The following ADORA2B variants were observed in gnomAD, a reference collection of about 807,000 sequenced individuals.
The protein encoded by ADORA2B is adenosine A2b receptor.
ADORA2B carries 18 observed loss-of-function variants against 20.8 expected under a neutral mutation model. The ratio of observed to expected loss-of-function variants is 0.87; its 90% CI spans 0.60 to 1.29. The LOEUF (loss-of-function observed/expected upper bound fraction) is 1.29, where lower values mean the gene tolerates loss of function less well. ADORA2B is among the 50% of genes most tolerant of loss of function. The pLI is 0.00. For missense variants in ADORA2B, 441 were observed against 422.7 expected (o/e 1.04, Z -0.38); for synonymous variants, 179 against 178.3 (o/e 1.00, Z -0.03).
the ADORA2B span, among the ~76,000 whole-genome samples, chr17:15,853,199 A>T: frequency 6.6e-6 from 1 of 152,228 alleles, no homozygotes; most frequent in Admixed American, 6.5e-5. Context: ...AAGCCAGAAG[A>T]CAATGCAGTG....
chr17:15,877,749 A>G, the ADORA2B span, among the ~76,000 whole-genome samples: 1 of 151,936 alleles, frequency 6.6e-6, no homozygotes. Flanking sequence ...TGCTCTGTGA[A>G]CACATCTCTA....
intron 1 of ADORA2B, among the ~76,000 whole-genome samples, chr17:15,952,395 T>C (rs1355452919): frequency 1.3e-5 from 2 of 152,102 alleles, no homozygotes; most frequent in Non-Finnish European, 2.9e-5. Context: ...GATGGAGTTA[T>C]CTTCACCACC....
the ADORA2B span, among the ~76,000 whole-genome samples, chr17:15,923,148 G>A: frequency 6.7e-6 from 1 of 149,852 alleles, no homozygotes; most frequent in African/African-American, 2.5e-5. Context: ...TCAGCCTCTC[G>A]AGTAGCTGGG....
the ADORA2B span, among the ~76,000 whole-genome samples, chr17:15,905,473 C>T: frequency 3.9e-5 from 6 of 151,954 alleles, no homozygotes; most frequent in East Asian, 7.7e-4. Context: ...CTCCACCTCC[C>T]GGGTTCAAGT....
chr17:15,879,965 T>G, the ADORA2B span, among the ~76,000 whole-genome samples: 2 of 148,830 alleles, frequency 1.3e-5, no homozygotes, highest in Admixed American at 1.3e-4. Context: ...CCAGACAATT[T>G]TTGTGTTCTC....
the ADORA2B span, among the ~76,000 whole-genome samples, chr17:15,931,862 G>A: frequency 6.6e-6 from 1 of 151,882 alleles, no homozygotes; most frequent in Non-Finnish European, 1.5e-5. Context: ...CTCCCGAGTA[G>A]CTGGGATTAC....
the ADORA2B span, among the ~76,000 whole-genome samples, chr17:15,860,426 C>A: frequency 1.3e-5 from 2 of 150,430 alleles, no homozygotes; most frequent in Middle Eastern, 3.4e-3. Context: ...CTGCCGCTGC[C>A]TGTGACCTGG....
At position 15,974,771 on chromosome 17, in the gene ADORA2B, G is replaced by A. The variant is rs1970228641; in HGVS notation, c.428G>A (p.Gly143Glu). The A allele has an allele frequency of 6.2e-7, 1 of 1,613,844 alleles. No homozygotes were observed. The highest frequency in any genetic ancestry group is 8.5e-7 in the Non-Finnish European group (1 of 1,180,010). The change falls in exon 2 of 2, where the codon GGG becomes GAG. Residue 143 changes from glycine to glutamate, a missense_variant. Physicochemically the swap from Gly to Glu is moderately conservative, Grantham distance 98. Transcript: ENST00000304222. Reference protein sequence around the residue: ...AFGIGLTPFLGWNSKDSATNN... With the variant: ...AFGIGLTPFLEWNSKDSATNN... ...GGCATCGGATTGACTCCATTCCTGGGGTGGAACAGTAAAGACAGTGCCACC... is the reference window on the plus strand; with the variant it reads ...GGCATCGGATTGACTCCATTCCTGGAGTGGAACAGTAAAGACAGTGCCACC...
At chr17:15,878,186 C>T in the ADORA2B span, among the ~76,000 whole-genome samples, 337 of 66,110 alleles carry the variant, frequency 5.1e-3, 1 homozygote, top group African/African-American at 0.027. Flanking sequence ...TGTGTGTATA[C>T]ACACACACAC....
the ADORA2B span, among the ~76,000 whole-genome samples, chr17:15,884,009 C>T: frequency 1.3e-5 from 2 of 152,268 alleles, no homozygotes; most frequent in African/African-American, 4.8e-5. Flanking sequence ...ATCCAGTTTA[C>T]GAATATGAAA....
intron 1 of ADORA2B, among the ~76,000 whole-genome samples, chr17:15,965,781 C>G (rs992518856): frequency 6.6e-6 from 1 of 152,266 alleles, no homozygotes; most frequent in Non-Finnish European, 1.5e-5. Flanking sequence ...CTGCTGGGGT[C>G]TTGGCCGTGG....
At chr17:15,877,401 A>G in the ADORA2B span, among the ~76,000 whole-genome samples, 2 of 152,120 alleles carry the variant, frequency 1.3e-5, no homozygotes, top group African/African-American at 4.8e-5. Context: ...GCCTGCAACT[A>G]TGGTCTTCAT....
chr17:15,962,275 C>T (rs542375085), intron 1 of ADORA2B, among the ~76,000 whole-genome samples: 2 of 152,270 alleles, frequency 1.3e-5, no homozygotes, highest in East Asian at 3.9e-4. Flanking sequence ...TGCACTCCAT[C>T]CTGGGCAATA....
chr17:15,910,480 G>A, the ADORA2B span, among the ~76,000 whole-genome samples: 1 of 151,998 alleles, frequency 6.6e-6, no homozygotes, highest in African/African-American at 2.4e-5. Flanking sequence ...TGTATTTTTA[G>A]TAGAAACGGG....
chr17:15,945,467 T>G lies in ADORA2B; in HGVS notation c.219T>G (p.Thr73=). 3 of 1,613,530 alleles carry G rather than the reference T, an allele frequency of 1.9e-6. No homozygotes were observed. The highest frequency in any genetic ancestry group is 1.7e-6 in the Non-Finnish European group (2 of 1,179,932). ...FAITISLGFC[T]DFYGCLFLAC... ...TCACCATCAGCCTGGGCTTCTGCAC[T>G]GACTTCTACGGCTGCCTCTTCCTCG... The change falls in exon 1 of 2, where the codon ACT becomes ACG. Residue 73 remains threonine, a synonymous_variant. Transcript: ENST00000304222.
chr17:15,951,984 G>A (rs1969910096), intron 1 of ADORA2B, among the ~76,000 whole-genome samples: 1 of 152,226 alleles, frequency 6.6e-6, no homozygotes, highest in African/African-American at 2.4e-5. Context: ...AGGTGGCCTG[G>A]TGCCCTGGAG....
chr17:15,877,556 G>C, the ADORA2B span, among the ~76,000 whole-genome samples: 1 of 152,092 alleles, frequency 6.6e-6, no homozygotes, highest in Admixed American at 6.6e-5. Context: ...CAGGATTATG[G>C]GATCAGTCAG....
At chr17:15,954,263 C>A (rs187644225) in intron 1 of ADORA2B, among the ~76,000 whole-genome samples, 1 of 152,222 alleles carries the variant, frequency 6.6e-6, no homozygotes, top group Non-Finnish European at 1.5e-5. Flanking sequence ...ACAGGTGTGA[C>A]CCACTGCGCC....
At chr17:15,969,721 C>T (rs961423071) in intron 1 of ADORA2B, among the ~76,000 whole-genome samples, 1 of 152,210 alleles carries the variant, frequency 6.6e-6, no homozygotes, top group Non-Finnish European at 1.5e-5. Context: ...TTGCTGTCAC[C>T]CTGGCCCAAG....
Sources: allele counts gnomAD v4.1 joint callset (sites outside exome capture counted in the v4.1 genomes callset), GRCh38; gene constraint gnomAD v4.1.1; transcripts MANE v1.5; gene names NCBI Gene and HGNC (gene_info 2026-07-23, HGNC 2026-07-21).